Variants in FRMD5 observed in about 807,000 individuals in gnomAD.
The protein encoded by FRMD5 is FERM domain-containing protein 5.
A neutral mutation model predicts 69.0 loss-of-function variants in FRMD5; 20 were observed. That is an observed-to-expected ratio of 0.29 (90% CI 0.20 to 0.42). The LOEUF (loss-of-function observed/expected upper bound fraction) is 0.42, where lower values mean the gene tolerates loss of function less well. FRMD5 is among the 10% of genes least tolerant of loss of function. FRMD5 has a pLI of 1.00. For synonymous variants in FRMD5, 271 were observed against 260.1 expected (o/e 1.04, Z -0.40); for missense variants, 595 against 708.6 (o/e 0.84, Z 1.82).
chr15:44,187,895 G>A (rs1198712721), intron 1 of FRMD5, among the ~76,000 whole-genome samples: 2 of 152,024 alleles, frequency 1.3e-5, no homozygotes, highest in Admixed American at 1.3e-4. Context: ...TTCATAACCT[G>A]GTTCAAATTT....
intron 1 of FRMD5, among the ~76,000 whole-genome samples, chr15:43,992,416 T>C (rs1889728856): frequency 6.6e-6 from 1 of 152,064 alleles, no homozygotes; most frequent in Non-Finnish European, 1.5e-5. Flanking sequence ...TCTTGCTCTG[T>C]TGCCCAGGCT....
At chr15:44,174,431 C>T (rs2077858198) in intron 1 of FRMD5, among the ~76,000 whole-genome samples, 1 of 152,108 alleles carries the variant, frequency 6.6e-6, no homozygotes, top group African/African-American at 2.4e-5. Flanking sequence ...GTTCCCTCAC[C>T]TATTTCTATA....
chr15:44,095,049 A>G (rs75546464), intron 1 of FRMD5, among the ~76,000 whole-genome samples: 2,035 of 152,094 alleles, frequency 0.013, 22 homozygotes, highest in Middle Eastern at 0.034. Context: ...CTAGCAGCAG[A>G]GTATTTCTCA....
intron 1 of FRMD5, among the ~76,000 whole-genome samples, chr15:43,955,316 C>A (rs2090097173): frequency 6.6e-6 from 1 of 152,200 alleles, no homozygotes; most frequent in South Asian, 2.1e-4. Flanking sequence ...CTCCAGGGAA[C>A]AGTCTTCTCC....
intron 1 of FRMD5, among the ~76,000 whole-genome samples, chr15:44,191,654 G>T (rs2078195434): frequency 6.6e-6 from 1 of 151,242 alleles, no homozygotes; most frequent in Non-Finnish European, 1.5e-5. Context: ...CACTTCTGTA[G>T]TCCCAACTAC....
chr15:43,974,400 A>G (rs1301128887), intron 1 of FRMD5, among the ~76,000 whole-genome samples: 12 of 152,192 alleles, frequency 7.9e-5, no homozygotes. Flanking sequence ...TATGTGCTGC[A>G]GGTGCTCATT....
Position 43,873,242 on chromosome 15 carries a change from CA to C in FRMD5, c.*642del, listed in dbSNP as rs1015174230. ...CCCACTCTGCTCAGATTTGAAAAAA[CA>C]AAAGGAAAAGAAAATCCAACTCAGA... On this transcript the variant is annotated 3_prime_UTR_variant, in exon 14 of 14. Transcript: ENST00000417257. The C allele has an allele frequency of 9.0e-6, 14 of 1,548,994 alleles. 1 individual carries two copies. In the African/African-American group the frequency reaches 1.8e-4, roughly 20 times the overall value.
At chr15:44,067,927 G>T (rs1413745157) in intron 1 of FRMD5, among the ~76,000 whole-genome samples, 1 of 152,124 alleles carries the variant, frequency 6.6e-6, no homozygotes, top group Non-Finnish European at 1.5e-5. Context: ...GGCAAAGATT[G>T]AAACAGATAT....
chr15:43,921,127 C>A (rs1595520935), intron 2 of FRMD5, among the ~76,000 whole-genome samples: 1 of 152,200 alleles, frequency 6.6e-6, no homozygotes, highest in East Asian at 1.9e-4. Flanking sequence ...CGCGGCTCAG[C>A]TTCACAGGGA....
At chr15:44,169,413 A>T (rs1333444002) in intron 1 of FRMD5, among the ~76,000 whole-genome samples, 5 of 152,030 alleles carry the variant, frequency 3.3e-5, no homozygotes, top group East Asian at 1.9e-4. Context: ...TAGTTATTTT[A>T]AAAAAAACCT....
intron 1 of FRMD5, among the ~76,000 whole-genome samples, chr15:44,014,279 T>TGTGC (rs1890856301): frequency 6.6e-6 from 1 of 152,132 alleles, no homozygotes; most frequent in South Asian, 2.1e-4. Context: ...CAAGCTTATC[T>TGTGC]AAGGCTGGTA....
intron 1 of FRMD5, among the ~76,000 whole-genome samples, chr15:43,952,434 T>C (rs1048460875): frequency 1.3e-5 from 2 of 152,186 alleles, no homozygotes; most frequent in African/African-American, 4.8e-5. Flanking sequence ...TATATAACTC[T>C]GCCAGCAAGA....
chr15:44,130,907 G>A (rs1186968511), intron 1 of FRMD5, among the ~76,000 whole-genome samples: 1 of 152,026 alleles, frequency 6.6e-6, no homozygotes, highest in Non-Finnish European at 1.5e-5. Context: ...AATAGCAGTA[G>A]CAAAAAATAA....
intron 1 of FRMD5, among the ~76,000 whole-genome samples, chr15:44,132,170 C>T (rs527837973): frequency 2.6e-5 from 4 of 152,270 alleles, no homozygotes; most frequent in Admixed American, 1.3e-4. Flanking sequence ...CTAATGCCAC[C>T]GCTGATCTGA....
At chr15:44,152,223 C>A (rs1188425361) in intron 1 of FRMD5, among the ~76,000 whole-genome samples, 1 of 152,082 alleles carries the variant, frequency 6.6e-6, no homozygotes. Context: ...CAAAACAAAA[C>A]TATATTTTCC....
intron 1 of FRMD5, among the ~76,000 whole-genome samples, chr15:43,974,929 G>C (rs1177102340): frequency 6.6e-6 from 1 of 152,202 alleles, no homozygotes; most frequent in East Asian, 1.9e-4. Flanking sequence ...TCATCTCCCA[G>C]AGTTGTTGAG....
intron 1 of FRMD5, among the ~76,000 whole-genome samples, chr15:44,137,056 C>T (rs2077197977): frequency 1.3e-5 from 2 of 152,192 alleles, no homozygotes; most frequent in South Asian, 2.1e-4. Context: ...GGTGCTAACA[C>T]TTAGATGCTA....
Position 44,195,265 on chromosome 15 carries a change from G to T in FRMD5, c.-211C>A. 1.9e-6 allele frequency: 1 copy of T among 527,168 alleles called. No individual in the cohort carries two copies. Among genetic ancestry groups the T allele is most frequent in the Non-Finnish European group, 3.3e-6 (1 of 301,148 alleles). 32.7% of individuals were successfully genotyped at this position (527,168 alleles called of 1,614,324 possible). On this transcript the variant is annotated 5_prime_UTR_variant, in exon 1 of 14. Coordinates refer to ENST00000417257, the MANE Select transcript of FRMD5 (RefSeq NM_032892.5). ...CTCCCCCCAGCCCAGATCAAGCGCC[G>T]GGCTCTGTCTCCTCGGCGCCCCAGT...
intron 1 of FRMD5, among the ~76,000 whole-genome samples, chr15:44,019,762 G>GGAAAA (rs1210944338): frequency 2.5e-5 from 3 of 121,976 alleles, no homozygotes; most frequent in African/African-American, 6.5e-5. Context: ...AAAAAAAAAA[G>GGAAAA]GAAAAGAAAA....
Sources: gnomAD v4.1 joint callset for allele counts (sites outside exome capture counted in the v4.1 genomes callset) on GRCh38, gnomAD v4.1.1 for gene constraint, MANE v1.5 for transcripts, NCBI Gene and HGNC (gene_info 2026-07-23, HGNC 2026-07-21) for gene names.